Variants in BAIAP2L1 observed in about 807,000 individuals in gnomAD.
The protein encoded by BAIAP2L1 is BAR/IMD domain-containing adapter protein 2-like 1.
BAIAP2L1 carries 35 observed loss-of-function variants against 66.3 expected under a neutral mutation model. That is an observed-to-expected ratio of 0.53 (90% CI 0.40 to 0.70). The LOEUF is 0.70. Among genes scored for constraint, BAIAP2L1 ranks in the 30% least tolerant of loss-of-function variants. BAIAP2L1 has a pLI of 0.00. For missense variants in BAIAP2L1, 622 were observed against 656.9 expected (o/e 0.95, Z 0.58); for synonymous variants, 269 against 248.7 (o/e 1.08, Z -0.77).
At chr7:98,338,578 C>T (rs1801664603) in intron 3 of BAIAP2L1, among the ~76,000 whole-genome samples, 1 of 152,198 alleles carries the variant, frequency 6.6e-6, no homozygotes, top group African/African-American at 2.4e-5. Context: ...CAAAATCATA[C>T]AATAAATAGC....
In BAIAP2L1 at chr7:98,306,420, C is replaced by T; in HGVS notation, c.1241+19G>A. 6.2e-7 allele frequency: 1 copy of T among 1,613,900 alleles called. No homozygotes were observed. Among genetic ancestry groups the T allele is most frequent in the Non-Finnish European group, 8.5e-7 (1 of 1,179,788 alleles). On this transcript the variant is annotated intron_variant, in intron 11 of 13. Coordinates refer to ENST00000005260, the MANE Select transcript of BAIAP2L1 (RefSeq NM_018842.5). Reference sequence around the variant, plus strand: ...AGGGGTTTCTGTCACCGGGAGAGCTCAGCCACGTTCAGGGCTACCTTGGCG... The same window carrying T: ...AGGGGTTTCTGTCACCGGGAGAGCTTAGCCACGTTCAGGGCTACCTTGGCG...
At position 98,294,125 on chromosome 7, in the gene BAIAP2L1, AAAG is replaced by A. The variant is rs759992240; in HGVS notation, c.1423-17_1423-15del. On this transcript the variant is annotated splice_polypyrimidine_tract_variant and intron_variant, in intron 12 of 13. Transcript: ENST00000005260. ...GTTGGCATCGTTCTGTGAGAAAGAT[AAAG>A]AAGTTTATGGAGGGCTTAGAATTGG... 125 of 1,613,018 alleles carry A rather than the reference AAAG, an allele frequency of 7.7e-5. No individual in the cohort carries two copies. Among genetic ancestry groups the A allele is most frequent in the Non-Finnish European group, 1.0e-4 (118 of 1,179,122 alleles).
chr7:98,316,023 G>A (rs534285750), intron 6 of BAIAP2L1, among the ~76,000 whole-genome samples: 7 of 152,242 alleles, frequency 4.6e-5, no homozygotes, highest in South Asian at 4.2e-4. Flanking sequence ...TGTAGCTCCC[G>A]TAATTCCTAT....
chr7:98,338,286 G>A (rs1029917258), intron 3 of BAIAP2L1, among the ~76,000 whole-genome samples: 3 of 152,138 alleles, frequency 2.0e-5, no homozygotes, highest in Non-Finnish European at 4.4e-5. Flanking sequence ...GCCGGGCGCG[G>A]TGGCGGGCGC....
intron 3 of BAIAP2L1, among the ~76,000 whole-genome samples, chr7:98,343,976 C>T (rs1419565557): frequency 2.6e-5 from 4 of 152,074 alleles, no homozygotes; most frequent in African/African-American, 4.8e-5. Context: ...GTCAAGAGAT[C>T]GAGACCATCC....
At chr7:98,345,352 A>T (rs1801845457) in intron 3 of BAIAP2L1, among the ~76,000 whole-genome samples, 1 of 151,480 alleles carries the variant, frequency 6.6e-6, no homozygotes, top group African/African-American at 2.4e-5. Context: ...ACTCAATAAT[A>T]AAAAAAAACA....
At position 98,329,143 on chromosome 7, in the gene BAIAP2L1, C is replaced by T. The variant is rs144601360; in HGVS notation, c.215-8845G>A. ...GGCACTTCCGGTTTCCACTCCAGCACGTCTAAGAGCTTAGAGGTCGTCACT... is the reference window on the plus strand; with the variant it reads ...GGCACTTCCGGTTTCCACTCCAGCATGTCTAAGAGCTTAGAGGTCGTCACT... On this transcript the variant is annotated intron_variant, in intron 3 of 13. Transcript: ENST00000005260. 3.3e-3 allele frequency among the ~76,000 whole-genome samples: 504 copies of T among 152,244 alleles called. 2 individuals carry two copies. Among genetic ancestry groups the T allele is most frequent in the African/African-American group, 0.011 (477 of 41,526 alleles).
chr7:98,328,845 C>T (rs985725780), intron 3 of BAIAP2L1, among the ~76,000 whole-genome samples: 9 of 152,142 alleles, frequency 5.9e-5, no homozygotes, highest in Non-Finnish European at 1.2e-4. Flanking sequence ...TACACATATC[C>T]ATCTATACAC....
intron 9 of BAIAP2L1, chr7:98,308,996 A>C (rs1173842377): frequency 6.6e-6 from 1 of 151,510 alleles, no homozygotes; most frequent in African/African-American, 2.4e-5. Context: ...TTTTCCATTC[A>C]AATTTTCCCA....
intron 1 of BAIAP2L1, among the ~76,000 whole-genome samples, chr7:98,395,203 G>A (rs1803170990): frequency 6.6e-6 from 1 of 151,844 alleles, no homozygotes; most frequent in South Asian, 2.1e-4. Context: ...ACTTTGGGAG[G>A]CCGAGGTGGG....
chr7:98,317,336 T>C lies in BAIAP2L1; in HGVS notation c.369A>G (p.Gln123=), dbSNP rs538982876. The C allele has an allele frequency of 6.2e-6, 10 of 1,614,130 alleles. No homozygotes were observed. The South Asian group carries it at 9.9e-5, about 16-fold the overall frequency. Residue 123 remains glutamine, a synonymous_variant, in exon 6 of 14, where the codon CAA becomes CAG. Coordinates refer to ENST00000005260, the MANE Select transcript of BAIAP2L1 (RefSeq NM_018842.5). Reference sequence around the variant, plus strand: ...ACTCTAATTTATTCTTGTGTTCTGTTTGGTATCTTTTTAGAGTTGCCTGTA... The same window carrying C: ...ACTCTAATTTATTCTTGTGTTCTGTCTGGTATCTTTTTAGAGTTGCCTGTA... ...KYMNATLKRY[Q]TEHKNKLESL...
chr7:98,343,987 T>C (rs1801811352), intron 3 of BAIAP2L1, among the ~76,000 whole-genome samples: 1 of 152,186 alleles, frequency 6.6e-6, no homozygotes, highest in African/African-American at 2.4e-5. Context: ...GAGACCATCC[T>C]GGCCAATATG....
At chr7:98,330,243 G>T (rs1375397085) in intron 3 of BAIAP2L1, among the ~76,000 whole-genome samples, 1 of 152,148 alleles carries the variant, frequency 6.6e-6, no homozygotes, top group Non-Finnish European at 1.5e-5. Context: ...TATGCTGAGG[G>T]TTCTACTGGG....
At chr7:98,305,050 T>TTG (rs1800595604) in intron 11 of BAIAP2L1, among the ~76,000 whole-genome samples, 1 of 87,950 alleles carries the variant, frequency 1.1e-5, no homozygotes, top group Non-Finnish European at 2.5e-5. Flanking sequence ...GTTTTTTGTT[T>TTG]TTTTTTTTTT....
intron 3 of BAIAP2L1, among the ~76,000 whole-genome samples, chr7:98,339,017 G>A (rs1167019839): frequency 6.6e-6 from 1 of 150,792 alleles, no homozygotes; most frequent in Non-Finnish European, 1.5e-5. Context: ...AGGTTGAGGT[G>A]AGGTGAGACT....
chr7:98,368,046 T>C (rs1387214124), intron 1 of BAIAP2L1, among the ~76,000 whole-genome samples: 2 of 152,206 alleles, frequency 1.3e-5, no homozygotes, highest in African/African-American at 4.8e-5. Flanking sequence ...TTAATAATCA[T>C]GCCCTCCTCC....
At chr7:98,312,021 C>T (rs577559823) in intron 8 of BAIAP2L1, 76 bp downstream of exon 8, 41 of 1,452,834 alleles carry the variant, frequency 2.8e-5, no homozygotes, top group African/African-American at 5.7e-5. Flanking sequence ...GTGATTCCCA[C>T]CAACACAGGC....
intron 3 of BAIAP2L1, among the ~76,000 whole-genome samples, chr7:98,342,604 A>C (rs762614832): frequency 4.6e-5 from 7 of 152,212 alleles, no homozygotes; most frequent in Non-Finnish European, 7.3e-5. Flanking sequence ...TGACTAAACT[A>C]CAACAAAATA....
In BAIAP2L1 at chr7:98,357,155, T is replaced by C. The variant is rs537874169; in HGVS notation, c.128-2027A>G. On this transcript the variant is annotated intron_variant, in intron 2 of 13. Transcript: ENST00000005260. ...TCTTGCCTGAGTCACCCAAAGTGTT[T>C]GGATTATAGTTGTGAGCCACAGAAT... Among the ~76,000 whole-genome samples the C allele has an allele frequency of 1.2e-3, 177 of 146,370 alleles. 1 individual carries two copies. The Middle Eastern group carries it at 0.017, about 14-fold the overall frequency.
Sources: allele counts gnomAD v4.1 joint callset (sites outside exome capture counted in the v4.1 genomes callset), GRCh38; gene constraint gnomAD v4.1.1; transcripts MANE v1.5; gene names NCBI Gene and HGNC (gene_info 2026-07-23, HGNC 2026-07-21).